The following XRCC4 variants were observed in gnomAD, a reference collection of about 807,000 sequenced individuals.
The protein encoded by XRCC4 is DNA repair protein XRCC4.
XRCC4 carries 28 observed loss-of-function variants against 39.1 expected under a neutral mutation model. The observed-to-expected ratio is 0.72, with a 90% confidence interval of 0.53 to 0.98. The LOEUF (loss-of-function observed/expected upper bound fraction) is 0.98. XRCC4 is among the 50% of genes least tolerant of loss of function. The pLI is 0.00. For synonymous variants in XRCC4, 123 were observed against 126.4 expected (o/e 0.97, Z 0.18); for missense variants, 350 against 376.4 (o/e 0.93, Z 0.58).
intron 7 of XRCC4, among the ~76,000 whole-genome samples, chr5:83,344,802 A>G (rs1456555130): frequency 2.0e-5 from 3 of 152,180 alleles, no homozygotes; most frequent in Admixed American, 2.0e-4. Flanking sequence ...AGGTACATAT[A>G]CCTTCATATA....
intron 3 of XRCC4, among the ~76,000 whole-genome samples, chr5:83,136,180 G>T (rs1398814333): frequency 6.6e-6 from 1 of 152,108 alleles, no homozygotes. Context: ...ATACAAGAGG[G>T]TATAGTGAAT....
intron 6 of XRCC4, among the ~76,000 whole-genome samples, chr5:83,253,344 T>A (rs1753399595): frequency 6.6e-6 from 1 of 152,164 alleles, no homozygotes; most frequent in African/African-American, 2.4e-5. Context: ...CATGGTTGGT[T>A]GGTTGGTTGG....
chr5:83,140,302 C>T (rs1459071805), intron 3 of XRCC4, among the ~76,000 whole-genome samples: 3 of 152,106 alleles, frequency 2.0e-5, no homozygotes, highest in East Asian at 1.9e-4. Context: ...AGAGATCCCC[C>T]GCAAACCACC....
intron 3 of XRCC4, among the ~76,000 whole-genome samples, chr5:83,165,822 T>G (rs982805997): frequency 1.3e-5 from 2 of 152,182 alleles, no homozygotes; most frequent in Non-Finnish European, 2.9e-5. Flanking sequence ...ATCTCATTCT[T>G]GTGGCTGCGT....
rs565411251 is a variant in XRCC4 at position 83,133,262 on chromosome 5, A to C, written c.315+22059A>C. On this transcript the variant is annotated intron_variant, in intron 3 of 7. Coordinates refer to ENST00000396027, the MANE Select transcript of XRCC4 (RefSeq NM_003401.5). Reference sequence around the variant, plus strand: ...GCTTCTTCTGGAAGCTTTGTCTCAGAGGGGCACCTGGCCATCTGAGGTGTC... The same window carrying C: ...GCTTCTTCTGGAAGCTTTGTCTCAGCGGGGCACCTGGCCATCTGAGGTGTC... Among the ~76,000 whole-genome samples the C allele has an allele frequency of 9.2e-5, 14 of 152,172 alleles. No homozygotes were observed. The South Asian group carries it at 2.9e-3, about 32-fold the overall frequency.
At chr5:83,231,814 A>G (rs944611396) in intron 6 of XRCC4, among the ~76,000 whole-genome samples, 33 of 152,070 alleles carry the variant, frequency 2.2e-4, no homozygotes, top group Non-Finnish European at 4.9e-4. Flanking sequence ...CCATTCATTC[A>G]CTGTTCTTTG....
intron 6 of XRCC4, among the ~76,000 whole-genome samples, chr5:83,211,974 C>T (rs1324313100): frequency 6.6e-6 from 1 of 151,958 alleles, no homozygotes; most frequent in Non-Finnish European, 1.5e-5. Context: ...AAGTGTGGTC[C>T]ATACTTGGGG....
chr5:83,157,671 TTAAAA>T lies in XRCC4; in HGVS notation c.316-38094_316-38090del, dbSNP rs527399390. ...AGAGAAAGAAAAGAGTTGTTGGAAATTAAAATAAAGTTTTAAAAATATAGAATGGT... is the reference window on the plus strand; with the variant it reads ...AGAGAAAGAAAAGAGTTGTTGGAAATTAAAGTTTTAAAAATATAGAATGGT... On this transcript the variant is annotated intron_variant, in intron 3 of 7. Transcript: ENST00000396027. Among the ~76,000 whole-genome samples the T allele has an allele frequency of 2.0e-5, 3 of 152,004 alleles. No homozygotes were observed. In the South Asian group the frequency reaches 6.2e-4, roughly 32 times the overall value.
At chr5:83,335,639 T>C (rs1043215152) in intron 7 of XRCC4, among the ~76,000 whole-genome samples, 8 of 152,058 alleles carry the variant, frequency 5.3e-5, no homozygotes, top group Non-Finnish European at 1.2e-4. Context: ...GTTTATCTTT[T>C]CATCTCAGAG....
chr5:83,217,358 C>CAAAAAAAAAAAA (rs59416363), intron 6 of XRCC4, among the ~76,000 whole-genome samples: 13 of 96,138 alleles, frequency 1.4e-4, no homozygotes, highest in African/African-American at 6.1e-4. Flanking sequence ...GACTCCGTCT[C>CAAAAAAAAAAAA]AAAAAAAAAA....
chr5:83,254,904 T>C (rs1010073383), intron 6 of XRCC4, among the ~76,000 whole-genome samples: 3 of 151,970 alleles, frequency 2.0e-5, no homozygotes, highest in African/African-American at 4.8e-5. Context: ...CTGGCCAACA[T>C]GGTGAAACCG....
intron 3 of XRCC4, among the ~76,000 whole-genome samples, chr5:83,134,351 C>G (rs1167079820): frequency 6.6e-6 from 1 of 152,056 alleles, no homozygotes; most frequent in Non-Finnish European, 1.5e-5. Context: ...CACTCTGTGT[C>G]TAGCTAAAGG....
At chr5:83,141,191 C>G (rs1439946957) in intron 3 of XRCC4, among the ~76,000 whole-genome samples, 1 of 152,160 alleles carries the variant, frequency 6.6e-6, no homozygotes, top group African/African-American at 2.4e-5. Context: ...AGGGATATGT[C>G]AACTTTCAAC....
chr5:83,231,097 A>G (rs1369974326), intron 6 of XRCC4, among the ~76,000 whole-genome samples: 2 of 152,040 alleles, frequency 1.3e-5, no homozygotes, highest in African/African-American at 2.4e-5. Flanking sequence ...ATTTTAGTGG[A>G]AAAGATTTAG....
At chr5:83,352,214 G>A (rs1376805719) in intron 7 of XRCC4, among the ~76,000 whole-genome samples, 1 of 152,142 alleles carries the variant, frequency 6.6e-6, no homozygotes, top group Non-Finnish European at 1.5e-5. Context: ...CCAAGGTGTT[G>A]TGACTCTACC....
chr5:83,274,044 T>C (rs1391102964), intron 7 of XRCC4, among the ~76,000 whole-genome samples: 2 of 152,182 alleles, frequency 1.3e-5, no homozygotes, highest in Non-Finnish European at 2.9e-5. Flanking sequence ...CTCAATATTA[T>C]AATTTCTAAA....
intron 7 of XRCC4, among the ~76,000 whole-genome samples, chr5:83,321,803 G>A (rs144724522): frequency 1.3e-5 from 2 of 151,880 alleles, no homozygotes; most frequent in African/African-American, 2.4e-5. Flanking sequence ...TTTTATCTAT[G>A]ATCAAAATGC....
chr5:83,247,093 C>G (rs376847449), intron 6 of XRCC4, among the ~76,000 whole-genome samples: 1 of 152,316 alleles, frequency 6.6e-6, no homozygotes, highest in African/African-American at 2.4e-5. Context: ...GCCTGCAATT[C>G]TGCTTAACCA....
intron 6 of XRCC4, among the ~76,000 whole-genome samples, chr5:83,245,129 T>G (rs1753053714): frequency 6.6e-6 from 1 of 152,136 alleles, no homozygotes; most frequent in Non-Finnish European, 1.5e-5. Flanking sequence ...ATGGTTCTAT[T>G]AAGGAAAGTT....
Sources: allele counts gnomAD v4.1 joint callset (sites outside exome capture counted in the v4.1 genomes callset), GRCh38; gene constraint gnomAD v4.1.1; transcripts MANE v1.5; gene names NCBI Gene and HGNC (gene_info 2026-07-23, HGNC 2026-07-21).